Variants in LRIT3 observed in about 807,000 individuals in gnomAD.
LRIT3 encodes leucine-rich repeat, immunoglobulin-like domain and transmembrane domain-containing protein 3.
LRIT3 carries 14 observed loss-of-function variants against 22.6 expected under a neutral mutation model. The observed-to-expected ratio is 0.62, with a 90% CI of 0.41 to 0.97. LRIT3 has a LOEUF of 0.97. LRIT3 is among the 50% of genes least tolerant of loss of function. The probability of loss-of-function intolerance (pLI) is 0.00; values close to 1 mark genes in which losing one functional copy is unlikely to be tolerated. For synonymous variants in LRIT3, 306 were observed against 304.5 expected, an observed-to-expected ratio of 1.01 and a Z score of -0.05; for missense variants, 783 against 803.0, an observed-to-expected ratio of 0.98 and a Z score of 0.30.
At chr4:109,864,355 C>T (rs1734627501) in intron 2 of LRIT3, among the ~76,000 whole-genome samples, 2 of 152,120 alleles carry the variant, frequency 1.3e-5, no homozygotes, top group Non-Finnish European at 2.9e-5. Context: ...AGTTTGCATC[C>T]TGTGCTCTTC....
In LRIT3 at chr4:109,870,557, T is replaced by C; in HGVS notation, c.1808T>C (p.Leu603Ser). The C allele has an allele frequency of 6.2e-7, 1 of 1,614,124 alleles. No homozygotes were observed. The highest frequency in any genetic ancestry group is 2.2e-5 in the East Asian group (1 of 44,890). ...ATCTTACCATTGATTTGTTTCTTGTTGTACAAAGTTTGCAAACTGCAATGT... is the reference window on the plus strand; with the variant it reads ...ATCTTACCATTGATTTGTTTCTTGTCGTACAAAGTTTGCAAACTGCAATGT... ...VVILPLICFL[L>S]YKVCKLQCKS... The change falls in exon 4 of 4, where the codon TTG (leucine) becomes TCG (serine). Residue 603 changes from leucine to serine, a missense_variant. By Grantham distance (145) the Leu-to-Ser change is moderately radical. Around this residue, in one of 2 missense-constraint regions of LRIT3, gnomAD observed 756 missense variants for 753.8 expected, o/e 1.00. Transcript: ENST00000594814.
Position 109,871,962 on chromosome 4 carries a change from T to A in LRIT3, c.*1173T>A, listed in dbSNP as rs1050478266. 2 of 152,212 alleles carry A rather than the reference T, an allele frequency of 1.3e-5. No individual in the cohort carries two copies. The highest frequency in any genetic ancestry group is 2.1e-4 in the South Asian group (1 of 4,828). 9.4% of individuals were successfully genotyped at this position (152,212 alleles called of 1,614,324 possible). ...GATTAACGATAGCGATAAGGCCCAC[T>A]CAAGCATCTCACAGTGGTGATATTA... On this transcript the variant is annotated 3_prime_UTR_variant, in exon 4 of 4. Transcript: ENST00000594814.
At chr4:109,856,817 T>G (rs1382539913) in intron 2 of LRIT3, among the ~76,000 whole-genome samples, 1 of 152,184 alleles carries the variant, frequency 6.6e-6, no homozygotes, top group Non-Finnish European at 1.5e-5. Context: ...CAAATAGAAT[T>G]TTTTTGCCAT....
intron 2 of LRIT3, among the ~76,000 whole-genome samples, chr4:109,863,873 AG>A (rs1734607973): frequency 6.6e-6 from 1 of 152,188 alleles, no homozygotes; most frequent in Non-Finnish European, 1.5e-5. Flanking sequence ...GTCACCCTAA[AG>A]TAGGGTCAAA....
At position 109,851,766 on chromosome 4, in the gene LRIT3, G is replaced by T. The variant is rs148810231; in HGVS notation, c.379G>T (p.Asp127Tyr). 8.3e-4 allele frequency: 1,294 copies of T among 1,551,720 alleles called. 4 individuals carry two copies. The Middle Eastern group carries it at 8.8e-3, about 11-fold the overall frequency. Residue 127 changes from aspartate (D) to tyrosine (Y), a missense_variant, in exon 2 of 4, where the codon GAC becomes TAC. Transcript: ENST00000594814. Reference sequence around the variant, plus strand: ...TGCTTTCCCTTGGGCATCTCTGCTGGACATGCCCCTTCTGAGGACCCTGGA... The same window carrying T: ...TGCTTTCCCTTGGGCATCTCTGCTGTACATGCCCCTTCTGAGGACCCTGGA... ...LAAFPWASLL[D>Y]MPLLRTLDLH...
rs149621742 is a variant in LRIT3 at position 109,851,479 on chromosome 4, C to T, written c.117-25C>T. ...ATGGGTGTTGGAAAGTGAGTTTCCT[C>T]ACATTGTTCATGTTGTGACACTAGG... On this transcript the variant is annotated intron_variant, in intron 1 of 3. Coordinates refer to ENST00000594814, the MANE Select transcript of LRIT3 (RefSeq NM_198506.5). 152 of 1,483,452 alleles carry T rather than the reference C, an allele frequency of 1.0e-4. No individual in the cohort carries two copies. In the African/African-American group the frequency reaches 2.0e-3, roughly 19 times the overall value. The allele number at this position is 1,483,452 out of a possible 1,614,324, so 91.9% of individuals were successfully genotyped here.
At chr4:109,865,053 T>A in intron 2 of LRIT3, 9 of 1,406,646 alleles carry the variant, frequency 6.4e-6, no homozygotes, top group Non-Finnish European at 8.4e-6. Flanking sequence ...ATGATGGATT[T>A]TAGTGTTAGT....
chr4:109,851,567 G>A lies in LRIT3; in HGVS notation c.180G>A (p.Val60=). The change falls in exon 2 of 4, where the codon GTG becomes GTA. Residue 60 remains valine (V), a synonymous_variant. Transcript: ENST00000594814. ...ELPTNLPVDT[V]KLRIEKTVIR... ...CTACGAACCTCCCCGTGGACACTGTGAAGCTTCGCATAGAGAAGACTGTCA... is the reference window on the plus strand; with the variant it reads ...CTACGAACCTCCCCGTGGACACTGTAAAGCTTCGCATAGAGAAGACTGTCA... 5 of 1,551,936 alleles carry A rather than the reference G, an allele frequency of 3.2e-6. No individual in the cohort carries two copies. The highest frequency in any genetic ancestry group is 4.4e-6 in the Non-Finnish European group (5 of 1,147,030).
In LRIT3 at chr4:109,867,706, G is replaced by A. The variant is rs776169878; in HGVS notation, c.655G>A (p.Val219Ile). 47 of 1,614,130 alleles carry A rather than the reference G, an allele frequency of 2.9e-5. 1 individual carries two copies. Among genetic ancestry groups the A allele is most frequent in the East Asian group, 8.9e-5 (4 of 44,884 alleles). Residue 219 changes from valine to isoleucine, a missense_variant, in exon 3 of 4, where the codon GTT becomes ATT. Physicochemically the swap from Val to Ile is conservative, Grantham distance 29 (BLOSUM62 3). This residue lies in a region of LRIT3 where 756 missense variants were observed against 753.8 expected (regional missense o/e 1.00). Transcript: ENST00000594814. ...ISKMIELSKV[V>I]DPAIVLLDPL... Reference sequence around the variant, plus strand: ...CAAAATGATTGAGTTGTCAAAGGTCGTTGACCCTGCTATAGTGCTTCTGGA... The same window carrying A: ...CAAAATGATTGAGTTGTCAAAGGTCATTGACCCTGCTATAGTGCTTCTGGA...
chr4:109,848,308 C>T lies in LRIT3; in HGVS notation c.107C>T (p.Ser36Leu), dbSNP rs1466082816. The T allele has an allele frequency of 8.1e-7, 1 of 1,231,092 alleles. No individual in the cohort carries two copies. Among genetic ancestry groups the T allele is most frequent in the Non-Finnish European group, 1.0e-6 (1 of 987,058 alleles). 76.3% of individuals were successfully genotyped at this position (1,231,092 alleles called of 1,614,324 possible). A position where few individuals can be genotyped will look rare whatever the true frequency, so the allele number is the denominator to read the frequency against. Residue 36 changes from serine (S) to leucine (L), a missense_variant, in exon 1 of 4, where the codon TCA (serine) becomes TTA (leucine). Ser to Leu is a moderately radical substitution (Grantham distance 145). This residue lies in a region of LRIT3 where 27 missense variants were observed against 49.2 expected (regional missense o/e 0.55). Coordinates refer to ENST00000594814, the MANE Select transcript of LRIT3 (RefSeq NM_198506.5). ...GATTATCACGGCAGAAATGACGGCT[C>T]AGGATCAAGGTATGCTCCTCTGCTT... ...TCDYHGRNDG[S>L]GSRLVLCNDM...
chr4:109,861,389 A>G (rs1936757277), intron 2 of LRIT3, among the ~76,000 whole-genome samples: 1 of 151,782 alleles, frequency 6.6e-6, no homozygotes, highest in Non-Finnish European at 1.5e-5. Context: ...TTTTAAGGAA[A>G]CTTCCTGTTT....
At chr4:109,864,388 C>G (rs1734627963) in intron 2 of LRIT3, among the ~76,000 whole-genome samples, 1 of 152,160 alleles carries the variant, frequency 6.6e-6, no homozygotes, top group South Asian at 2.1e-4. Context: ...TTCTCTTTCA[C>G]TCAGGGAGCA....
chr4:109,871,407 A>G lies in LRIT3; in HGVS notation c.*618A>G, dbSNP rs1230166927. 1 of 152,272 alleles carries G rather than the reference A, an allele frequency of 6.6e-6. No individual in the cohort carries two copies. The highest frequency in any genetic ancestry group is 2.4e-5 in the African/African-American group (1 of 41,476). 9.4% of individuals were successfully genotyped at this position (152,272 alleles called of 1,614,324 possible). A position where few individuals can be genotyped will look rare whatever the true frequency, so the allele number is the denominator to read the frequency against. ...TATAGGTATTAGCAAAAGTAAGTAT[A>G]CAAAGAGGATTATGACAAATAGACC... On this transcript the variant is annotated 3_prime_UTR_variant, in exon 4 of 4. Transcript: ENST00000594814.
intron 2 of LRIT3, among the ~76,000 whole-genome samples, chr4:109,858,498 T>C (rs1734458143): frequency 6.6e-6 from 1 of 152,182 alleles, no homozygotes; most frequent in South Asian, 2.1e-4. Flanking sequence ...AGCAGTAATC[T>C]AAACAGGAGA....
At position 109,848,325 on chromosome 4, in the gene LRIT3, C is replaced by T. The variant is rs1056513823; in HGVS notation, c.116+8C>T. ...TGACGGCTCAGGATCAAGGTATGCTCCTCTGCTTGTTACTAAGTGTTCTCA... is the reference window on the plus strand; with the variant it reads ...TGACGGCTCAGGATCAAGGTATGCTTCTCTGCTTGTTACTAAGTGTTCTCA... On this transcript the variant is annotated splice_region_variant and intron_variant, in intron 1 of 3. Coordinates refer to ENST00000594814, the MANE Select transcript of LRIT3 (RefSeq NM_198506.5). 2 of 1,214,986 alleles carry T rather than the reference C, an allele frequency of 1.6e-6. No homozygotes were observed. The highest frequency in any genetic ancestry group is 2.1e-6 in the Non-Finnish European group (2 of 972,564). The allele number at this position is 1,214,986 out of a possible 1,614,324, so 75.3% of individuals were successfully genotyped here. A position where few individuals can be genotyped will look rare whatever the true frequency, so the allele number is the denominator to read the frequency against.
chr4:109,869,781 A>G lies in LRIT3; in HGVS notation c.1032A>G (p.Thr344=). The G allele has an allele frequency of 6.2e-7, 1 of 1,613,808 alleles. No individual in the cohort carries two copies. Among genetic ancestry groups the G allele is most frequent in the Non-Finnish European group, 8.5e-7 (1 of 1,179,678 alleles). Residue 344 remains threonine (T), a synonymous_variant, in exon 4 of 4, where the codon ACA becomes ACG. Coordinates refer to ENST00000594814, the MANE Select transcript of LRIT3 (RefSeq NM_198506.5). ...AGMSEAVVTV[T]VLGITTTPIP... is the part of the protein sequence containing the mutation. ...TGTCAGAAGCTGTGGTTACTGTGAC[A>G]GTGCTTGGCATTACCACAACTCCAA... is the stretch of plus-strand genomic sequence containing the variant.
rs1182736872 is a variant in LRIT3, at chr4:109,851,610, G to A, written c.223G>A (p.Glu75Lys). 1.3e-6 allele frequency: 2 copies of A among 1,551,748 alleles called. No individual in the cohort carries two copies. Among genetic ancestry groups the A allele is most frequent in the Admixed American group, 2.0e-5 (1 of 51,004 alleles). Residue 75 changes from glutamate (E) to lysine (K), a missense_variant, in exon 2 of 4, where the codon GAG becomes AAG. Glu to Lys is a moderately conservative substitution (Grantham distance 56). Around this residue, in one of 2 missense-constraint regions of LRIT3, gnomAD observed 756 missense variants for 753.8 expected, o/e 1.00. Transcript: ENST00000594814. Reference sequence around the variant, plus strand: ...GACTGTCATCCGCAGAATCTCTGCGGAGGCCTTCTATTACCTGGTGGAGCT... The same window carrying A: ...GACTGTCATCCGCAGAATCTCTGCGAAGGCCTTCTATTACCTGGTGGAGCT... ...EKTVIRRISA[E>K]AFYYLVELQY...
intron 2 of LRIT3, 61 bp downstream of exon 2, chr4:109,852,037 TGTCCA>T (rs1411594742): frequency 7.1e-7 from 1 of 1,409,052 alleles, no homozygotes; most frequent in Non-Finnish European, 9.4e-7. Context: ...TAGCTTTTTT[TGTCCA>T]GTCTTTTAAA....
chr4:109,862,156 G>A (rs1216281362), intron 2 of LRIT3, among the ~76,000 whole-genome samples: 1 of 152,050 alleles, frequency 6.6e-6, no homozygotes, highest in Non-Finnish European at 1.5e-5. Context: ...AATAACTTTT[G>A]TACAAAAATT....
Sources: allele counts gnomAD v4.1 joint callset (sites outside exome capture counted in the v4.1 genomes callset), GRCh38; gene constraint gnomAD v4.1.1; regional missense constraint gnomAD v4.1.1; transcripts MANE v1.5; gene names NCBI Gene and HGNC (gene_info 2026-07-23, HGNC 2026-07-21).